The following IBTK variants were observed in gnomAD, a reference collection of about 807,000 sequenced individuals.
IBTK encodes the protein BTK-binding protein.
In IBTK, 83 loss-of-function variants were observed where a neutral mutation model predicts 154.9. That is an observed-to-expected ratio of 0.54 (90% confidence interval 0.45 to 0.64). IBTK has a LOEUF of 0.64. Among genes scored for constraint, IBTK ranks in the 30% least tolerant of loss-of-function variants. The pLI is 0.00. For synonymous variants in IBTK, 515 were observed against 536.1 expected (o/e 0.96, Z 0.54); for missense variants, 1,332 against 1,584.6 (o/e 0.84, Z 2.71).
rs2127817367 is a variant in IBTK, at chr6:82,217,940, T to C, written c.1426+20A>G. 2 of 1,492,796 alleles carry C rather than the reference T, an allele frequency of 1.3e-6. No homozygotes were observed. Among genetic ancestry groups the C allele is most frequent in the African/African-American group, 1.4e-5 (1 of 70,698 alleles). The allele number at this position is 1,492,796 out of a possible 1,614,324, so 92.5% of individuals were successfully genotyped here. ...ATAATTGAAAGGTACTTTTACGTAT[T>C]GTTCAATATATGAACTGACCTTTCT... On this transcript the variant is annotated intron_variant, in intron 10 of 28. Coordinates refer to ENST00000306270, the MANE Select transcript of IBTK (RefSeq NM_015525.4).
chr6:82,237,441 C>A (rs760435656), intron 2 of IBTK, among the ~76,000 whole-genome samples: 15 of 151,646 alleles, frequency 9.9e-5, no homozygotes, highest in Non-Finnish European at 2.2e-4. Flanking sequence ...ATGGATAGTC[C>A]CTGGGGGGGA....
At chr6:82,215,464 T>A (rs561127213) in intron 11 of IBTK, among the ~76,000 whole-genome samples, 1 of 152,222 alleles carries the variant, frequency 6.6e-6, no homozygotes, top group East Asian at 1.9e-4. Flanking sequence ...TTTCAGAATC[T>A]GAGAACCCAG....
At chr6:82,224,321 C>G (rs1435826714) in intron 6 of IBTK, 136 bp from the exon 7 acceptor site, 1 of 657,308 alleles carries the variant, frequency 1.5e-6, no homozygotes. Flanking sequence ...GCAGTTGTCA[C>G]TAACAGATCT....
At chr6:82,211,786 C>A (rs1240787815) in intron 13 of IBTK, among the ~76,000 whole-genome samples, 1 of 152,050 alleles carries the variant, frequency 6.6e-6, no homozygotes, top group African/African-American at 2.4e-5. Flanking sequence ...GAGCCGAATA[C>A]AAATATTCAA....
chr6:82,181,986 A>T lies in IBTK; in HGVS notation c.3618T>A (p.Asp1206Glu). The change falls in exon 26 of 29, where the codon GAT becomes GAA. Residue 1206 changes from aspartate (D) to glutamate (E), a missense_variant. Asp to Glu is a conservative substitution (Grantham distance 45). Transcript: ENST00000306270. The stretch of plus-strand genomic sequence containing the variant: ...CAGACTTTTTTTCTTCTAGTAAGAA[A>T]TCCCGGAATGACTTGGATGAAACTG... ...LHSVSSKSFR[D>E]FLLEEKKSVT... is the part of the protein sequence containing the mutation. The T allele has an allele frequency of 6.2e-7, 1 of 1,606,886 alleles. No homozygotes were observed. The highest frequency in any genetic ancestry group is 8.5e-7 in the Non-Finnish European group (1 of 1,178,620).
intron 26 of IBTK, among the ~76,000 whole-genome samples, chr6:82,175,694 T>C (rs947990140): frequency 2.6e-5 from 4 of 152,138 alleles, no homozygotes; most frequent in African/African-American, 9.7e-5. Context: ...CTTCTGAAAA[T>C]AAACAGCAAC....
intron 26 of IBTK, among the ~76,000 whole-genome samples, chr6:82,181,489 A>G (rs1768315721): frequency 6.6e-6 from 1 of 152,168 alleles, no homozygotes; most frequent in Non-Finnish European, 1.5e-5. Context: ...GTACAAGCTA[A>G]TCTTTATTGG....
chr6:82,200,300 A>G lies in IBTK; in HGVS notation c.2913-47T>C, dbSNP rs1206716322. On this transcript the variant is annotated intron_variant, in intron 20 of 28. Coordinates refer to ENST00000306270, the MANE Select transcript of IBTK (RefSeq NM_015525.4). ...TTCAGCAGTGTTTAGGGAGGTAACT[A>G]AGATAAATGCACTTATTTAACCCAA... is the stretch of plus-strand genomic sequence containing the variant. The G allele has an allele frequency of 3.9e-6, 5 of 1,291,294 alleles. No homozygotes were observed. In the African/African-American group the frequency reaches 7.4e-5, roughly 19 times the overall value. 80.0% of individuals were successfully genotyped at this position (1,291,294 alleles called of 1,614,324 possible).
chr6:82,204,539 G>C (rs1769324925), intron 17 of IBTK, among the ~76,000 whole-genome samples: 1 of 152,134 alleles, frequency 6.6e-6, no homozygotes, highest in Admixed American at 6.5e-5. Context: ...ATCAGGGCAA[G>C]AGTACAAAAA....
intron 25 of IBTK, among the ~76,000 whole-genome samples, chr6:82,185,935 A>AT (rs1768538438): frequency 6.6e-6 from 1 of 152,140 alleles, no homozygotes; most frequent in African/African-American, 2.4e-5. Context: ...TGGAGCAAGT[A>AT]TATCGTGCCA....
intron 22 of IBTK, among the ~76,000 whole-genome samples, chr6:82,194,891 T>C (rs904263009): frequency 6.6e-6 from 1 of 152,144 alleles, no homozygotes; most frequent in East Asian, 1.9e-4. Flanking sequence ...AGTTTGCATA[T>C]TAAATCTCTA....
intron 10 of IBTK, among the ~76,000 whole-genome samples, chr6:82,217,465 G>A (rs1422946607): frequency 1.3e-5 from 2 of 151,992 alleles, no homozygotes; most frequent in Admixed American, 6.6e-5. Flanking sequence ...CAGTATAGAG[G>A]CCCATTTTAT....
chr6:82,235,543 G>A (rs1770683269), intron 2 of IBTK, among the ~76,000 whole-genome samples: 2 of 151,988 alleles, frequency 1.3e-5, no homozygotes, highest in South Asian at 2.1e-4. Flanking sequence ...GCAGTGAACC[G>A]AGATCGCGCC....
intron 16 of IBTK, chr6:82,205,908 G>A (rs1033529617): frequency 6.6e-6 from 1 of 151,846 alleles, no homozygotes; most frequent in Non-Finnish European, 1.5e-5. Context: ...AGATTAAGAA[G>A]AAAAAAATCT....
chr6:82,202,184 C>A (rs955729014), intron 18 of IBTK, among the ~76,000 whole-genome samples: 1 of 152,086 alleles, frequency 6.6e-6, no homozygotes, highest in African/African-American at 2.4e-5. Flanking sequence ...ATAAACTAAA[C>A]AATGAAGCTT....
intron 22 of IBTK, among the ~76,000 whole-genome samples, chr6:82,195,891 C>A (rs942507241): frequency 6.6e-6 from 1 of 152,020 alleles, no homozygotes; most frequent in Non-Finnish European, 1.5e-5. Flanking sequence ...CAGTTAATAC[C>A]CTGGAGGAAA....
intron 17 of IBTK, 39 bp from the exon 18 acceptor site, chr6:82,202,684 G>T: frequency 2.9e-6 from 3 of 1,034,074 alleles, no homozygotes; most frequent in Non-Finnish European, 4.4e-6. Context: ...TAGATAAAAG[G>T]CACATTACCA....
In IBTK at chr6:82,214,284, G is replaced by C; in HGVS notation, c.2147C>G (p.Pro716Arg). The stretch of plus-strand genomic sequence containing the variant: ...TGCAACAGTTTGCAACATTCTTACA[G>C]GATCATCTTCCCTAATATTTTTTCC... ...KKGKNIREDDPVRMLQTVAKK... is the reference protein window; with the variant it reads ...KKGKNIREDDRVRMLQTVAKK... The change falls in exon 12 of 29, where the codon CCT (proline) becomes CGT (arginine). Residue 716 changes from proline to arginine, a missense_variant. By Grantham distance (103) the Pro-to-Arg change is moderately radical. Around this residue, in one of 3 missense-constraint regions of IBTK, gnomAD observed 1,134 missense variants for 1,274.7 expected, o/e 0.89. Coordinates refer to ENST00000306270, the MANE Select transcript of IBTK (RefSeq NM_015525.4). The C allele has an allele frequency of 6.2e-7, 1 of 1,613,322 alleles. No homozygotes were observed. The highest frequency in any genetic ancestry group is 8.5e-7 in the Non-Finnish European group (1 of 1,179,622).
chr6:82,240,572 G>A lies in IBTK; in HGVS notation c.-86C>T. On this transcript the variant is annotated 5_prime_UTR_variant, in exon 2 of 29. Coordinates refer to ENST00000306270, the MANE Select transcript of IBTK (RefSeq NM_015525.4). ...AGCCAGGACACAAAGGTGCTATTGA[G>A]GAAGTTACAGAGAATAAATTACCTT... 1 of 1,058,240 alleles carries A rather than the reference G, an allele frequency of 9.4e-7. No homozygotes were observed. The highest frequency in any genetic ancestry group is 1.4e-6 in the Non-Finnish European group (1 of 727,482). 65.6% of individuals were successfully genotyped at this position (1,058,240 alleles called of 1,614,324 possible). A position where few individuals can be genotyped will look rare whatever the true frequency, so the allele number is the denominator to read the frequency against.
Sources: allele counts gnomAD v4.1 joint callset (sites outside exome capture counted in the v4.1 genomes callset), GRCh38; gene constraint gnomAD v4.1.1; regional missense constraint gnomAD v4.1.1; transcripts MANE v1.5; gene names NCBI Gene and HGNC (gene_info 2026-07-23, HGNC 2026-07-21).